PLEKHH2: variants seen among roughly 807,000 people sequenced by gnomAD.
PLEKHH2 encodes the protein pleckstrin homology, MyTH4 and FERM domain containing H2, also known as pleckstrin homology domain-containing family H member 2.
A neutral mutation model predicts 187.9 loss-of-function variants in PLEKHH2; 129 were observed. The ratio of observed to expected loss-of-function variants is 0.69; its 90% CI spans 0.59 to 0.79. The LOEUF is 0.79. PLEKHH2 is among the 30% of genes least tolerant of loss of function. The probability of loss-of-function intolerance (pLI) is 0.00; values close to 1 mark genes in which losing one functional copy is unlikely to be tolerated. For synonymous variants in PLEKHH2, 686 were observed against 605.6 expected, an observed-to-expected ratio of 1.13 and a Z score of -1.95; for missense variants, 2,076 against 1,751.2, an observed-to-expected ratio of 1.19 and a Z score of -3.31.
At chr2:43,705,777 A>G (rs952052515) in intron 9 of PLEKHH2, among the ~76,000 whole-genome samples, 3 of 151,376 alleles carry the variant, frequency 2.0e-5, no homozygotes, top group African/African-American at 7.3e-5. Context: ...GTATGCCACC[A>G]TGTTTGGTTT....
At chr2:43,648,742 G>A (rs1459094704) in intron 2 of PLEKHH2, among the ~76,000 whole-genome samples, 1 of 151,762 alleles carries the variant, frequency 6.6e-6, no homozygotes, top group Non-Finnish European at 1.5e-5. Context: ...CACCACATCT[G>A]GCTAATTTTG....
At chr2:43,757,414 TTTTC>T in intron 26 of PLEKHH2, 150 bp downstream of exon 26, 1 of 591,026 alleles carries the variant, frequency 1.7e-6, no homozygotes, top group Non-Finnish European at 2.5e-6. Context: ...TATAGATTTT[TTTTC>T]TTTCTTTTTT....
chr2:43,700,021 C>T lies in PLEKHH2; in HGVS notation c.1063C>T (p.Gln355Ter), dbSNP rs371544117. ...RPEHKKLYSW[Q>*]QEAQWKALNS... The stretch of plus-strand genomic sequence containing the variant: ...AGAACACAAGAAGCTATATTCTTGG[C>T]AGCAGGAGGCACAGTGGAAAGCTCT... The change falls in exon 8 of 30, where the codon CAG (glutamine) becomes TAG (stop). Residue 355 changes from glutamine to a stop codon, truncating the protein, a stop_gained. Transcript: ENST00000282406. LOFTEE classifies it high-confidence loss of function. The T allele has an allele frequency of 1.1e-4, 171 of 1,614,012 alleles. No homozygotes were observed. The highest frequency in any genetic ancestry group is 1.4e-4 in the Non-Finnish European group (166 of 1,180,036).
At chr2:43,712,948 A>T (rs997781936) in intron 15 of PLEKHH2, among the ~76,000 whole-genome samples, 5 of 152,198 alleles carry the variant, frequency 3.3e-5, no homozygotes, top group African/African-American at 9.7e-5. Context: ...GACACAGATT[A>T]AAAAATCTGC....
At chr2:43,680,718 A>G in intron 3 of PLEKHH2, 1 of 413,090 alleles carries the variant, frequency 2.4e-6, no homozygotes, top group Non-Finnish European at 4.7e-6. Flanking sequence ...AAGGAAATTT[A>G]TCACTTGTAA....
intron 8 of PLEKHH2, 70 bp downstream of exon 8, chr2:43,700,678 AGT>A: frequency 6.6e-7 from 1 of 1,507,602 alleles, no homozygotes; most frequent in Non-Finnish European, 8.9e-7. Flanking sequence ...TCTGGGAGGG[AGT>A]CTCGCTCTGT....
chr2:43,678,549 A>C (rs1667987855), intron 2 of PLEKHH2, among the ~76,000 whole-genome samples: 1 of 152,156 alleles, frequency 6.6e-6, no homozygotes, highest in African/African-American at 2.4e-5. Context: ...CTCCACCAAA[A>C]AAATACGAAA....
At chr2:43,696,257 G>A (rs1488552440) in intron 6 of PLEKHH2, among the ~76,000 whole-genome samples, 2 of 152,120 alleles carry the variant, frequency 1.3e-5, no homozygotes, top group Admixed American at 1.3e-4. Context: ...AGGACTGCTT[G>A]AGGCCAGGAG....
At chr2:43,751,217 C>G in intron 24 of PLEKHH2, among the ~76,000 whole-genome samples, 1 of 152,172 alleles carries the variant, frequency 6.6e-6, no homozygotes, top group South Asian at 2.1e-4. Context: ...CGCATACGTA[C>G]AAGAGGTTGT....
intron 2 of PLEKHH2, chr2:43,676,015 G>C: frequency 6.2e-7 from 1 of 1,614,002 alleles, no homozygotes; most frequent in Non-Finnish European, 8.5e-7. Flanking sequence ...ATCATTTTTA[G>C]TATCGTAGAG....
intron 2 of PLEKHH2, chr2:43,676,056 C>G (rs1204181913): frequency 1.2e-6 from 2 of 1,613,938 alleles, no homozygotes; most frequent in Non-Finnish European, 1.7e-6. Context: ...TGGTCCAGGT[C>G]TCTTTCAGTA....
chr2:43,693,742 G>GAAAAAAAAA (rs1304124515), intron 4 of PLEKHH2, among the ~76,000 whole-genome samples: 9 of 99,174 alleles, frequency 9.1e-5, no homozygotes, highest in African/African-American at 2.6e-4. Flanking sequence ...AAAAAAAAAG[G>GAAAAAAAAA]AAAAAATTGC....
At chr2:43,641,322 A>T (rs1665908995) in intron 1 of PLEKHH2, among the ~76,000 whole-genome samples, 1 of 152,100 alleles carries the variant, frequency 6.6e-6, no homozygotes, top group Non-Finnish European at 1.5e-5. Flanking sequence ...TAGGTGTCAT[A>T]TCTAAGAATC....
intron 8 of PLEKHH2, among the ~76,000 whole-genome samples, chr2:43,702,142 A>G (rs1669405052): frequency 6.6e-6 from 1 of 152,244 alleles, no homozygotes; most frequent in African/African-American, 2.4e-5. Flanking sequence ...CCTCCAGAGA[A>G]ACATCTGGGT....
rs184978532 is a variant in PLEKHH2, at chr2:43,758,334, C to A, written c.3942-566C>A. On this transcript the variant is annotated intron_variant, in intron 26 of 29. Coordinates refer to ENST00000282406, the MANE Select transcript of PLEKHH2 (RefSeq NM_172069.4). The stretch of plus-strand genomic sequence containing the variant: ...ATGGGGTGATCTCGGCTCGCTGCAA[C>A]CTCCACCTCCCGGGTTCAAGTGATT... Among the ~76,000 whole-genome samples, 19 of 152,210 alleles carry A rather than the reference C, an allele frequency of 1.2e-4. No individual in the cohort carries two copies. The East Asian group carries it at 3.5e-3, about 28-fold the overall frequency.
At chr2:43,700,779 A>T (rs1208063570) in intron 8 of PLEKHH2, among the ~76,000 whole-genome samples, 171 bp downstream of exon 8, 1 of 151,980 alleles carries the variant, frequency 6.6e-6, no homozygotes, top group Non-Finnish European at 1.5e-5. Context: ...CAGCCTCCTG[A>T]GTAGCTGATA....
At chr2:43,710,997 G>A (rs1156725847) in intron 14 of PLEKHH2, 1 of 996,932 alleles carries the variant, frequency 1.0e-6, no homozygotes, top group Non-Finnish European at 1.2e-6. Flanking sequence ...AACTTCAGAT[G>A]CCATAACACC....
intron 20 of PLEKHH2, among the ~76,000 whole-genome samples, chr2:43,739,357 T>C (rs1348268299): frequency 2.6e-5 from 4 of 152,354 alleles, no homozygotes; most frequent in Admixed American, 2.0e-4. Context: ...TTGAATATAT[T>C]TTTCAGGTGT....
chr2:43,710,248 T>C lies in PLEKHH2; in HGVS notation c.2132T>C (p.Leu711Ser). 6.2e-7 allele frequency: 1 copy of C among 1,614,130 alleles called. No individual in the cohort carries two copies. The highest frequency in any genetic ancestry group is 8.5e-7 in the Non-Finnish European group (1 of 1,180,016). ...NEPLEKSGYLLKMSGKVKSWK... is the reference protein window; with the variant it reads ...NEPLEKSGYLSKMSGKVKSWK... The stretch of plus-strand genomic sequence containing the variant: ...CCACTGGAAAAATCTGGTTATTTAT[T>C]AAAAATGAGTGGTAAAGTCAAGTCT... The change falls in exon 13 of 30, where the codon TTA becomes TCA. Residue 711 changes from leucine (L) to serine (S), a missense_variant. Leu to Ser is a moderately radical substitution (Grantham distance 145). Transcript: ENST00000282406.
Sources: allele counts gnomAD v4.1 joint callset (sites outside exome capture counted in the v4.1 genomes callset), GRCh38; gene constraint gnomAD v4.1.1; transcripts MANE v1.5; gene names NCBI Gene and HGNC (gene_info 2026-07-23, HGNC 2026-07-21).